Variants in RFX2 observed in about 807,000 individuals in gnomAD.
RFX2 encodes DNA-binding protein RFX2.
RFX2 carries 20 observed loss-of-function variants against 87.8 expected under a neutral mutation model. The ratio of observed to expected loss-of-function variants is 0.23; its 90% CI spans 0.16 to 0.33. The LOEUF is 0.33. Ranked by LOEUF, RFX2 falls within the 10% of genes least tolerant of loss-of-function variation. The probability of loss-of-function intolerance (pLI) is 1.00; values close to 1 mark genes in which losing one functional copy is unlikely to be tolerated. For missense variants in RFX2, 767 were observed against 1,012.3 expected (o/e 0.76, Z 3.29); for synonymous variants, 397 against 431.3 (o/e 0.92, Z 0.98).
At chr19:6,096,971 C>T (rs16993371) in intron 1 of RFX2, among the ~76,000 whole-genome samples, 4,006 of 152,176 alleles carry the variant, frequency 0.026, 193 homozygotes, top group African/African-American at 0.092. Context: ...GGGAAGAAAT[C>T]GGAAGTTTAC....
chr19:6,010,522 C>T lies in RFX2; in HGVS notation c.900-271G>A, dbSNP rs1047035716. 5.9e-5 allele frequency among the ~76,000 whole-genome samples: 9 copies of T among 152,152 alleles called. No homozygotes were observed. The highest frequency in any genetic ancestry group is 4.6e-4 in the Admixed American group (7 of 15,286). On this transcript the variant is annotated intron_variant, in intron 8 of 17. Coordinates refer to ENST00000303657, the MANE Select transcript of RFX2 (RefSeq NM_000635.4). This position sits in a 1 kb window ranked among gnomAD's most constrained non-coding sequence, Gnocchi z 5.0. The stretch of plus-strand genomic sequence containing the variant: ...ACACTGAAGCTCTGTCTCCATAAAA[C>T]GCTCACTCCCCATCCCTGTCCCCAG...
rs1274261206 is a variant in RFX2, at chr19:6,021,656, T to C, written c.597+4507A>G. On this transcript the variant is annotated intron_variant, in intron 6 of 17. Coordinates refer to ENST00000303657, the MANE Select transcript of RFX2 (RefSeq NM_000635.4). This position sits in a 1 kb window ranked among gnomAD's most constrained non-coding sequence, Gnocchi z 5.7. ...CTGGGGCAGGTCCGAGCCTGGTGCA[T>C]TGGAGGAATAGCGAGGAGGCCCGTG... Among the ~76,000 whole-genome samples, 14 of 152,148 alleles carry C rather than the reference T, an allele frequency of 9.2e-5. No individual in the cohort carries two copies. The East Asian group carries it at 2.7e-3, about 29-fold the overall frequency.
At position 6,010,710 on chromosome 19, in the gene RFX2, TC is replaced by T. The variant is rs1343953410; in HGVS notation, c.900-460del. On this transcript the variant is annotated intron_variant, in intron 8 of 17. Coordinates refer to ENST00000303657, the MANE Select transcript of RFX2 (RefSeq NM_000635.4). The surrounding 1 kb of genome is among the most constrained non-coding windows in gnomAD (Gnocchi z 5.0). ...AGTTGTAGCCTGTGTTGGAATTTCC[TC>T]CTTTTTAAGGCTGAATAATATTCCA... 3.3e-5 allele frequency among the ~76,000 whole-genome samples: 5 copies of T among 152,240 alleles called. No individual in the cohort carries two copies. Among genetic ancestry groups the T allele is most frequent in the African/African-American group, 1.2e-4 (5 of 41,454 alleles).
At chr19:6,069,709 G>A (rs1375540468) in intron 1 of RFX2, among the ~76,000 whole-genome samples, 1 of 152,232 alleles carries the variant, frequency 6.6e-6, no homozygotes, top group African/African-American at 2.4e-5. Flanking sequence ...ACCAGTGATT[G>A]TGACAGAGGA....
rs754892081 is a variant in RFX2 at position 6,021,867 on chromosome 19, G to A, written c.597+4296C>T. ...GTGGCTGCTGTGAGAAGGGGCTGGA[G>A]GCTGGGTAGGGGTGGGTGCTGACGG... On this transcript the variant is annotated intron_variant, in intron 6 of 17. Transcript: ENST00000303657. This position sits in a 1 kb window ranked among gnomAD's most constrained non-coding sequence, Gnocchi z 5.7. Among the ~76,000 whole-genome samples the A allele has an allele frequency of 7.9e-5, 12 of 152,224 alleles. No homozygotes were observed. The highest frequency in any genetic ancestry group is 1.5e-4 in the Non-Finnish European group (10 of 68,028).
chr19:6,013,668 G>C lies in RFX2; in HGVS notation c.780-563C>G, dbSNP rs1211821468. ...TGAGTAGCTGGGACAGCTGGCGTGTGCCAACACACTCGGATGGTAGAAGTG... is the reference window on the plus strand; with the variant it reads ...TGAGTAGCTGGGACAGCTGGCGTGTCCCAACACACTCGGATGGTAGAAGTG... On this transcript the variant is annotated intron_variant, in intron 7 of 17. Coordinates refer to ENST00000303657, the MANE Select transcript of RFX2 (RefSeq NM_000635.4). This position sits in a 1 kb window ranked among gnomAD's most constrained non-coding sequence, Gnocchi z 4.1. Among the ~76,000 whole-genome samples, 1 of 152,040 alleles carries C rather than the reference G, an allele frequency of 6.6e-6. No individual in the cohort carries two copies. Among genetic ancestry groups the C allele is most frequent in the African/African-American group, 2.4e-5 (1 of 41,378 alleles).
chr19:6,065,127 T>C (rs1041874188), intron 1 of RFX2, among the ~76,000 whole-genome samples: 1 of 152,206 alleles, frequency 6.6e-6, no homozygotes, highest in Non-Finnish European at 1.5e-5. Flanking sequence ...GAAAATAATA[T>C]TGTAGAAGGT....
intron 1 of RFX2, among the ~76,000 whole-genome samples, chr19:6,066,242 A>G (rs1036315492): frequency 1.3e-5 from 2 of 152,172 alleles, no homozygotes; most frequent in African/African-American, 2.4e-5. Context: ...CATCCCACTG[A>G]GGGCCACGGG....
intron 1 of RFX2, among the ~76,000 whole-genome samples, chr19:6,060,999 C>G (rs78908632): frequency 2.6e-5 from 4 of 152,166 alleles, no homozygotes; most frequent in East Asian, 1.9e-4. Context: ...ACTCTCCCCC[C>G]GCCAAAATTG....
At chr19:6,055,416 G>A (rs759016825) in intron 1 of RFX2, among the ~76,000 whole-genome samples, 17 of 152,292 alleles carry the variant, frequency 1.1e-4, no homozygotes, top group Non-Finnish European at 2.5e-4. Flanking sequence ...GTTCATAGCA[G>A]CTTTTTGTTT....
intron 12 of RFX2, among the ~76,000 whole-genome samples, chr19:6,006,692 T>C (rs948735186): frequency 6.6e-6 from 1 of 151,804 alleles, no homozygotes; most frequent in East Asian, 1.9e-4. Context: ...TCAAATGATC[T>C]GCCCGCCTCA....
At chr19:6,015,447 A>T (rs2086711863) in intron 7 of RFX2, among the ~76,000 whole-genome samples, 1 of 151,416 alleles carries the variant, frequency 6.6e-6, no homozygotes, top group Non-Finnish European at 1.5e-5. Flanking sequence ...AACACTGAGA[A>T]ATGGTAAATC....
In RFX2 at chr19:6,063,587, G is replaced by A. The variant is rs909335280; in HGVS notation, c.-8-16083C>T. 2.0e-5 allele frequency among the ~76,000 whole-genome samples: 3 copies of A among 152,194 alleles called. No individual in the cohort carries two copies. Among genetic ancestry groups the A allele is most frequent in the Non-Finnish European group, 4.4e-5 (3 of 68,030 alleles). ...CAGCTAAGATTAAAGTGACTGCTGC[G>A]TTGAAGAAGGAGGGAGGCAGAGAGA... On this transcript the variant is annotated intron_variant, in intron 1 of 17. Transcript: ENST00000303657. The surrounding 1 kb of genome is among the most constrained non-coding windows in gnomAD (Gnocchi z 4.0).
chr19:6,093,114 A>G (rs1599927621), intron 1 of RFX2, among the ~76,000 whole-genome samples: 1 of 152,218 alleles, frequency 6.6e-6, no homozygotes, highest in African/African-American at 2.4e-5. Flanking sequence ...GAGGAAGTCC[A>G]TCAGGCTCAG....
At chr19:6,052,167 A>C (rs935523905) in intron 1 of RFX2, among the ~76,000 whole-genome samples, 2 of 152,100 alleles carry the variant, frequency 1.3e-5, no homozygotes, top group African/African-American at 4.8e-5. Context: ...TGAGCGCCAC[A>C]CTCAGCCTGC....
At position 6,011,529 on chromosome 19, in the gene RFX2, A is replaced by T. The variant is rs762984423; in HGVS notation, c.900-1278T>A. 1.3e-5 allele frequency among the ~76,000 whole-genome samples: 2 copies of T among 152,224 alleles called. No individual in the cohort carries two copies. Among genetic ancestry groups the T allele is most frequent in the East Asian group, 3.8e-4 (2 of 5,202 alleles). On this transcript the variant is annotated intron_variant, in intron 8 of 17. Coordinates refer to ENST00000303657, the MANE Select transcript of RFX2 (RefSeq NM_000635.4). The surrounding 1 kb of genome is among the most constrained non-coding windows in gnomAD (Gnocchi z 4.8). ...GCTGTGGCTTCCAAATGCAAATGGC[A>T]TCAGCCTGTCCCCCTGAAATGTGTG...
At chr19:6,078,577 T>C (rs1018681636) in intron 1 of RFX2, among the ~76,000 whole-genome samples, 3 of 152,132 alleles carry the variant, frequency 2.0e-5, no homozygotes, top group African/African-American at 7.2e-5. Flanking sequence ...TAAATTTATG[T>C]TGAAAAAACC....
chr19:6,095,717 G>A (rs1792868035), intron 1 of RFX2, among the ~76,000 whole-genome samples: 1 of 152,150 alleles, frequency 6.6e-6, no homozygotes, highest in Non-Finnish European at 1.5e-5. Flanking sequence ...CTACGAATGC[G>A]AGTCAGAGCC....
intron 1 of RFX2, among the ~76,000 whole-genome samples, chr19:6,077,752 C>T (rs1376711113): frequency 2.6e-5 from 4 of 152,022 alleles, no homozygotes; most frequent in African/African-American, 4.8e-5. Context: ...GAGGCTGAGG[C>T]GGGTGGATCA....
Sources: gnomAD v4.1 joint callset for allele counts (sites outside exome capture counted in the v4.1 genomes callset) on GRCh38, gnomAD v4.1.1 for gene constraint, Gnocchi (gnomAD v3.1) non-coding constraint, MANE v1.5 for transcripts, NCBI Gene and HGNC (gene_info 2026-07-23, HGNC 2026-07-21) for gene names.